The following MSRA variants were observed in gnomAD, a reference collection of about 807,000 sequenced individuals.
MSRA encodes mitochondrial peptide methionine sulfoxide reductase.
A neutral mutation model predicts 31.3 loss-of-function variants in MSRA; 54 were observed. The observed-to-expected ratio is 1.73, with a 90% CI of 1.39 to 2.17. MSRA has a LOEUF of 2.17. Among genes scored for constraint, MSRA ranks in the 30% most tolerant of loss-of-function variants. The pLI, the probability that MSRA is intolerant of heterozygous loss-of-function variation, is 0.00. For missense variants in MSRA, 507 were observed against 300.9 expected, an observed-to-expected ratio of 1.69 and a Z score of -5.07; for synonymous variants, 169 against 116.5, an observed-to-expected ratio of 1.45 and a Z score of -2.90.
intron 1 of MSRA, chr8:10,096,055 G>C: frequency 1.4e-6 from 2 of 1,403,204 alleles, no homozygotes; most frequent in East Asian, 2.6e-5. Context: ...TAAGTTTTTA[G>C]ATTTTATTTT....
At chr8:10,063,312 G>A (rs1797301857) in intron 1 of MSRA, among the ~76,000 whole-genome samples, 2 of 152,158 alleles carry the variant, frequency 1.3e-5, no homozygotes, top group South Asian at 4.1e-4. Context: ...GAGCTGTTCA[G>A]AGCATTATCA....
At chr8:10,226,731 GTTT>G (rs534193243) in intron 2 of MSRA, among the ~76,000 whole-genome samples, 2 of 150,114 alleles carry the variant, frequency 1.3e-5, no homozygotes, top group East Asian at 3.9e-4. Flanking sequence ...TTGTTTGTTT[GTTT>G]TTTGTTTTTG....
intron 1 of MSRA, among the ~76,000 whole-genome samples, chr8:10,112,928 T>C (rs867593868): frequency 3.9e-5 from 6 of 152,278 alleles, no homozygotes; most frequent in South Asian, 2.1e-4. Context: ...TTGTCTCCTT[T>C]TCAGGAGAGG....
At chr8:10,145,591 T>G (rs1168359877) in intron 1 of MSRA, among the ~76,000 whole-genome samples, 1 of 152,228 alleles carries the variant, frequency 6.6e-6, no homozygotes, top group South Asian at 2.1e-4. Flanking sequence ...CTTGTACTTT[T>G]GATGTTTATA....
At chr8:10,076,467 T>G (rs1228239270) in intron 1 of MSRA, among the ~76,000 whole-genome samples, 2 of 152,158 alleles carry the variant, frequency 1.3e-5, no homozygotes, top group Non-Finnish European at 2.9e-5. Context: ...GAAGGTTGAT[T>G]ATTACTTAAA....
intron 1 of MSRA, among the ~76,000 whole-genome samples, chr8:10,057,680 C>G (rs1005695401): frequency 7.9e-5 from 12 of 152,092 alleles, no homozygotes; most frequent in Non-Finnish European, 1.0e-4. Flanking sequence ...TGAATTCTCA[C>G]GAGATCTGAT....
intron 4 of MSRA, among the ~76,000 whole-genome samples, chr8:10,311,305 A>G (rs1281546096): frequency 3.3e-5 from 5 of 152,250 alleles, no homozygotes; most frequent in Non-Finnish European, 4.4e-5. Flanking sequence ...GGAAGGCAAC[A>G]CAGGAACCCA....
chr8:10,221,009 G>T (rs1211956801), intron 2 of MSRA, among the ~76,000 whole-genome samples: 1 of 152,200 alleles, frequency 6.6e-6, no homozygotes, highest in Non-Finnish European at 1.5e-5. Context: ...CCTGGCGGGT[G>T]TGTCTTTGGC....
chr8:10,159,233 C>G (rs1000568850), intron 1 of MSRA, among the ~76,000 whole-genome samples: 4 of 152,204 alleles, frequency 2.6e-5, no homozygotes, highest in African/African-American at 7.2e-5. Context: ...AACTGCATTT[C>G]CTGCCTGGGC....
chr8:10,179,194 T>G (rs1390080731), intron 1 of MSRA, among the ~76,000 whole-genome samples: 1 of 152,200 alleles, frequency 6.6e-6, no homozygotes. Context: ...TATAGTAATG[T>G]GATAAGACAG....
intron 3 of MSRA, among the ~76,000 whole-genome samples, chr8:10,268,679 G>A (rs964927826): frequency 2.0e-5 from 3 of 152,348 alleles, no homozygotes; most frequent in African/African-American, 7.2e-5. Context: ...ATTTTCTGAA[G>A]AGGGGAACGA....
intron 3 of MSRA, among the ~76,000 whole-genome samples, chr8:10,277,235 A>T (rs939812336): frequency 1.1e-4 from 17 of 152,172 alleles, no homozygotes; most frequent in African/African-American, 4.1e-4. Flanking sequence ...TTTTCTCCTT[A>T]CAATAATTTA....
At chr8:10,374,845 A>G (rs538870484) in intron 5 of MSRA, among the ~76,000 whole-genome samples, 2 of 152,294 alleles carry the variant, frequency 1.3e-5, no homozygotes, top group East Asian at 3.9e-4. Context: ...GTGGAGGCAG[A>G]TGCTTCGTGA....
intron 1 of MSRA, among the ~76,000 whole-genome samples, chr8:10,152,029 G>T (rs188150256): frequency 6.6e-6 from 1 of 152,306 alleles, no homozygotes; most frequent in Non-Finnish European, 1.5e-5. Context: ...TTCTGAAGTA[G>T]TTTCTTATTT....
intron 1 of MSRA, among the ~76,000 whole-genome samples, chr8:10,115,505 C>A (rs183351804): frequency 6.6e-6 from 1 of 152,196 alleles, no homozygotes; most frequent in Non-Finnish European, 1.5e-5. Flanking sequence ...TCCAGAACTA[C>A]GAGAAAATCA....
At chr8:10,272,075 C>T (rs930731490) in intron 3 of MSRA, among the ~76,000 whole-genome samples, 2 of 152,166 alleles carry the variant, frequency 1.3e-5, no homozygotes, top group Non-Finnish European at 2.9e-5. Flanking sequence ...ATTCTCCAAC[C>T]ATGGATGCTG....
At chr8:10,360,716 T>C (rs1361441903) in intron 5 of MSRA, among the ~76,000 whole-genome samples, 2 of 152,238 alleles carry the variant, frequency 1.3e-5, no homozygotes, top group South Asian at 2.1e-4. Flanking sequence ...TACATCCTTT[T>C]TGCAGTTTAT....
At chr8:10,310,664 A>G (rs945058459) in intron 4 of MSRA, among the ~76,000 whole-genome samples, 1 of 152,188 alleles carries the variant, frequency 6.6e-6, no homozygotes, top group Non-Finnish European at 1.5e-5. Flanking sequence ...TTTGTAGAGG[A>G]ACAGAAAGGC....
At chr8:10,388,332 C>T (rs918432831) in intron 5 of MSRA, among the ~76,000 whole-genome samples, 1 of 152,108 alleles carries the variant, frequency 6.6e-6, no homozygotes, top group African/African-American at 2.4e-5. Flanking sequence ...TAAGGTCACC[C>T]CCGTCTTCCT....
Sources: gnomAD v4.1 joint callset for allele counts (sites outside exome capture counted in the v4.1 genomes callset) on GRCh38, gnomAD v4.1.1 for gene constraint, MANE v1.5 for transcripts, NCBI Gene and HGNC (gene_info 2026-07-23, HGNC 2026-07-21) for gene names.